Variants in TIAM2 observed in about 807,000 individuals in gnomAD.
TIAM2 encodes TIAM Rac1 associated GEF 2, also known as rho guanine nucleotide exchange factor TIAM2.
A neutral mutation model predicts 152.9 loss-of-function variants in TIAM2; 80 were observed. That is an observed-to-expected ratio of 0.52 (90% CI 0.44 to 0.63). TIAM2 has a LOEUF of 0.63. Ranked by LOEUF, TIAM2 falls within the 30% of genes least tolerant of loss-of-function variation. The probability of loss-of-function intolerance (pLI) is 0.00; values close to 1 mark genes in which losing one functional copy is unlikely to be tolerated. For missense variants in TIAM2, 1,965 were observed against 2,120.1 expected, an observed-to-expected ratio of 0.93 and a Z score of 1.44; for synonymous variants, 804 against 838.0, an observed-to-expected ratio of 0.96 and a Z score of 0.70.
intron 1 of TIAM2, among the ~76,000 whole-genome samples, chr6:155,052,467 T>C (rs1054024683): frequency 1.3e-5 from 2 of 151,980 alleles, no homozygotes; most frequent in East Asian, 3.9e-4. Flanking sequence ...ACCAAAGGAT[T>C]AAGAAATTGA....
Position 155,174,159 on chromosome 6 carries a change from C to T in TIAM2, c.2362-2657C>T, listed in dbSNP as rs1456374424. On this transcript the variant is annotated intron_variant, in intron 9 of 26. Transcript: ENST00000682666. The surrounding 1 kb of genome is among the most constrained non-coding windows in gnomAD (Gnocchi z 4.2). Reference sequence around the variant, plus strand: ...CTGTGTAGTATAGTGGTGGTGTGAACCAGCTCATCCCAGACTTCCACCCTT... The same window carrying T: ...CTGTGTAGTATAGTGGTGGTGTGAATCAGCTCATCCCAGACTTCCACCCTT... Among the ~76,000 whole-genome samples, 4 of 152,160 alleles carry T rather than the reference C, an allele frequency of 2.6e-5. No homozygotes were observed. The highest frequency in any genetic ancestry group is 5.9e-5 in the Non-Finnish European group (4 of 68,024).
rs186232390 is a variant in TIAM2, at chr6:155,196,831, A to G, written c.3064+13331A>G. On this transcript the variant is annotated intron_variant, in intron 14 of 26. Coordinates refer to ENST00000682666, the MANE Select transcript of TIAM2 (RefSeq NM_012454.4). ...TATTTCTGCCCTACCATACTCAGCT[A>G]TGATTATTTATAAATTATCCAATCT... is the stretch of plus-strand genomic sequence containing the variant. Among the ~76,000 whole-genome samples the G allele has an allele frequency of 2.4e-3, 370 of 152,354 alleles. 4 individuals carry two copies. Among genetic ancestry groups the G allele is most frequent in the Non-Finnish European group, 3.5e-3 (239 of 68,032 alleles).
chr6:155,252,581 G>A (rs1368731945), intron 23 of TIAM2, among the ~76,000 whole-genome samples: 2 of 152,188 alleles, frequency 1.3e-5, no homozygotes, highest in African/African-American at 2.4e-5. Context: ...AACATAGTCT[G>A]TGAAACTTTG....
intron 9 of TIAM2, among the ~76,000 whole-genome samples, chr6:155,167,260 C>G (rs1283062320): frequency 1.3e-5 from 2 of 151,970 alleles, no homozygotes; most frequent in African/African-American, 4.8e-5. Context: ...GTCTCTCTGT[C>G]ACTCAGGCTG....
chr6:155,000,876 C>T (rs1353760766), intron 1 of TIAM2, among the ~76,000 whole-genome samples: 7 of 151,974 alleles, frequency 4.6e-5, no homozygotes, highest in Non-Finnish European at 8.8e-5. Context: ...CCGAGCTACT[C>T]GGGAGGTTGG....
rs1001826331 is a variant in TIAM2, at chr6:155,099,593, A to G, written c.-118+9214A>G. On this transcript the variant is annotated intron_variant, in intron 2 of 26. Transcript: ENST00000682666. ...ATAATTGTGGGAGAGGAAAATTACC[A>G]GAACTTTGAGGCCCAGTAACATTGC... Among the ~76,000 whole-genome samples, 7 of 152,340 alleles carry G rather than the reference A, an allele frequency of 4.6e-5. No homozygotes were observed. In the South Asian group the frequency reaches 1.5e-3, roughly 32 times the overall value.
intron 15 of TIAM2, among the ~76,000 whole-genome samples, chr6:155,221,607 A>G (rs1263877822): frequency 6.6e-6 from 1 of 152,214 alleles, no homozygotes; most frequent in South Asian, 2.1e-4. Flanking sequence ...AGGAGTCATC[A>G]GCCAGCTCCC....
At chr6:155,009,559 G>A (rs1386517106) in intron 1 of TIAM2, among the ~76,000 whole-genome samples, 3 of 152,142 alleles carry the variant, frequency 2.0e-5, no homozygotes, top group Non-Finnish European at 4.4e-5. Flanking sequence ...ATCCGTAGAC[G>A]TCATTCAGCT....
chr6:154,998,782 G>A (rs1341557021), intron 1 of TIAM2, among the ~76,000 whole-genome samples: 1 of 152,154 alleles, frequency 6.6e-6, no homozygotes, highest in Non-Finnish European at 1.5e-5. Context: ...CAGGGTCACT[G>A]AGCTTGTGTA....
intron 15 of TIAM2, among the ~76,000 whole-genome samples, chr6:155,223,417 T>C (rs1782120784): frequency 6.6e-6 from 1 of 152,164 alleles, no homozygotes; most frequent in South Asian, 2.1e-4. Flanking sequence ...CTAAGAGATG[T>C]TGAGGAACGT....
At chr6:155,180,671 C>T (rs183941014) in intron 12 of TIAM2, among the ~76,000 whole-genome samples, 5,474 of 152,082 alleles carry the variant, frequency 0.036, 292 homozygotes, top group Admixed American at 0.15. Context: ...GGCATGATCT[C>T]GGCTCACTGC....
intron 2 of TIAM2, among the ~76,000 whole-genome samples, chr6:155,095,270 T>C (rs1778394957): frequency 6.6e-6 from 1 of 152,220 alleles, no homozygotes. Context: ...ATTGAAGTTT[T>C]AGGACTCTGT....
In TIAM2 at chr6:155,011,644, G is replaced by A. The variant is rs1009514313; in HGVS notation, c.-209+16152G>A. ...GCTAAGCATAATTTTAGTTCCTTTG[G>A]GATCACCCTCAGTTTTTATACCTCA... is the stretch of plus-strand genomic sequence containing the variant. On this transcript the variant is annotated intron_variant, in intron 1 of 26. Coordinates refer to ENST00000682666, the MANE Select transcript of TIAM2 (RefSeq NM_012454.4). 2.0e-5 allele frequency among the ~76,000 whole-genome samples: 3 copies of A among 151,998 alleles called. No individual in the cohort carries two copies. The East Asian group carries it at 5.8e-4, about 29-fold the overall frequency.
chr6:155,012,269 C>G (rs528005566), intron 1 of TIAM2, among the ~76,000 whole-genome samples: 5 of 152,206 alleles, frequency 3.3e-5, no homozygotes, highest in Admixed American at 6.5e-5. Context: ...TTATCCTGTT[C>G]TTTACTATGA....
intron 21 of TIAM2, chr6:155,250,456 G>C: frequency 3.4e-6 from 4 of 1,160,590 alleles, no homozygotes; most frequent in Non-Finnish European, 4.8e-6. Flanking sequence ...GCATAGTTTA[G>C]GGAGAAAATG....
chr6:155,204,634 G>C (rs2115195483), intron 14 of TIAM2, among the ~76,000 whole-genome samples: 1 of 152,112 alleles, frequency 6.6e-6, no homozygotes. Flanking sequence ...GGACCCTTTG[G>C]ATATGAGAGT....
At chr6:155,236,337 C>T (rs561608815) in intron 15 of TIAM2, among the ~76,000 whole-genome samples, 1 of 152,028 alleles carries the variant, frequency 6.6e-6, no homozygotes, top group Admixed American at 6.6e-5. Flanking sequence ...GCAGGCCACA[C>T]ATTAGCAACA....
intron 2 of TIAM2, among the ~76,000 whole-genome samples, chr6:155,114,168 C>T (rs1778954782): frequency 6.8e-6 from 1 of 147,344 alleles, no homozygotes; most frequent in Non-Finnish European, 1.5e-5. Context: ...ATTCTTGTGC[C>T]TCAGGCTCCT....
intron 4 of TIAM2, 37 bp from the exon 5 acceptor site, chr6:155,137,140 G>C (rs201221414): frequency 3.8e-6 from 6 of 1,592,152 alleles, no homozygotes; most frequent in East Asian, 2.2e-5. Context: ...TTGGATAGCC[G>C]TAAGCTCTGA....
Sources: gnomAD v4.1 joint callset for allele counts (sites outside exome capture counted in the v4.1 genomes callset) on GRCh38, gnomAD v4.1.1 for gene constraint, Gnocchi (gnomAD v3.1) non-coding constraint, MANE v1.5 for transcripts, NCBI Gene and HGNC (gene_info 2026-07-23, HGNC 2026-07-21) for gene names.